Variants in CAPZB observed in about 807,000 individuals in gnomAD.
CAPZB encodes the protein F-actin-capping protein subunit beta.
In CAPZB, 2 loss-of-function variants were observed where a neutral mutation model predicts 38.1. The ratio of observed to expected loss-of-function variants is 0.05; its 90% CI spans 0.02 to 0.17. CAPZB has a LOEUF of 0.17. Among genes scored for constraint, CAPZB ranks in the 10% least tolerant of loss-of-function variants. The pLI is 1.00. For missense variants in CAPZB, 161 were observed against 334.2 expected, an observed-to-expected ratio of 0.48 and a Z score of 4.04; for synonymous variants, 107 against 127.4, an observed-to-expected ratio of 0.84 and a Z score of 1.08.
chr1:19,375,286 G>T (rs1425469075), intron 4 of CAPZB, among the ~76,000 whole-genome samples: 2 of 152,232 alleles, frequency 1.3e-5, no homozygotes, highest in Non-Finnish European at 2.9e-5. Flanking sequence ...GGTCCCAGGA[G>T]AGAGAGCTCT....
At chr1:19,422,584 A>G (rs2094405512) in intron 1 of CAPZB, among the ~76,000 whole-genome samples, 1 of 152,128 alleles carries the variant, frequency 6.6e-6, no homozygotes, top group African/African-American at 2.4e-5. Flanking sequence ...AAAATACAAA[A>G]AAATTAGCCG....
At chr1:19,378,041 C>T (rs12087597) in intron 4 of CAPZB, among the ~76,000 whole-genome samples, 1 of 152,104 alleles carries the variant, frequency 6.6e-6, no homozygotes, top group Non-Finnish European at 1.5e-5. Flanking sequence ...AAAATCCATA[C>T]GGGCCTTTGG....
At chr1:19,393,704 C>T (rs1173071488) in intron 2 of CAPZB, among the ~76,000 whole-genome samples, 1 of 152,224 alleles carries the variant, frequency 6.6e-6, no homozygotes, top group African/African-American at 2.4e-5. Context: ...AAGCTTTTTC[C>T]CCCAAGTGCC....
intron 4 of CAPZB, among the ~76,000 whole-genome samples, chr1:19,361,921 C>T (rs1204578342): frequency 6.6e-6 from 1 of 152,306 alleles, no homozygotes; most frequent in South Asian, 2.1e-4. Flanking sequence ...GCTCTACCAT[C>T]GCCAGCGACT....
At position 19,347,042 on chromosome 1, in the gene CAPZB, T is replaced by C. The variant is rs112296588; in HGVS notation, c.589-1790A>G. ...TTTTAGTAGAGACAGGGTTTTGCCA[T>C]GTTGGCCAGGCTGGTCTTGAACTTC... On this transcript the variant is annotated intron_variant, in intron 6 of 8. Coordinates refer to ENST00000264202, the MANE Select transcript of CAPZB (RefSeq NM_004930.5). Among the ~76,000 whole-genome samples, 36 of 151,848 alleles carry C rather than the reference T, an allele frequency of 2.4e-4. 1 individual carries two copies. Among genetic ancestry groups the C allele is most frequent in the African/African-American group, 8.0e-4 (33 of 41,342 alleles).
At chr1:19,454,187 T>C (rs945812362) in intron 1 of CAPZB, among the ~76,000 whole-genome samples, 16 of 152,140 alleles carry the variant, frequency 1.1e-4, no homozygotes, top group African/African-American at 3.6e-4. Flanking sequence ...TAGAAAACCC[T>C]ACAATAAAAG....
chr1:19,453,409 G>A (rs914023372), intron 1 of CAPZB, among the ~76,000 whole-genome samples: 4 of 151,698 alleles, frequency 2.6e-5, no homozygotes, highest in Admixed American at 6.6e-5. Context: ...TTACAGGGGC[G>A]CACCACCACG....
intron 1 of CAPZB, among the ~76,000 whole-genome samples, chr1:19,468,714 T>A (rs2094576607): frequency 6.7e-6 from 1 of 149,792 alleles, no homozygotes. Flanking sequence ...CACCCCTCAC[T>A]CTTCTGGCTC....
At position 19,356,975 on chromosome 1, in the gene CAPZB, C is replaced by A. The variant is rs1158819650; in HGVS notation, c.472-224G>T. Reference sequence around the variant, plus strand: ...CTCCCAGGTTCAAGCGATTCTCCTGCCTCAGCCTCCCAAGTAGCTGGGATT... The same window carrying A: ...CTCCCAGGTTCAAGCGATTCTCCTGACTCAGCCTCCCAAGTAGCTGGGATT... On this transcript the variant is annotated intron_variant, in intron 5 of 8. Coordinates refer to ENST00000264202, the MANE Select transcript of CAPZB (RefSeq NM_004930.5). This position sits in a 1 kb window ranked among gnomAD's most constrained non-coding sequence, Gnocchi z 4.3. Among the ~76,000 whole-genome samples, 1 of 152,130 alleles carries A rather than the reference C, an allele frequency of 6.6e-6. No individual in the cohort carries two copies. Among genetic ancestry groups the A allele is most frequent in the Non-Finnish European group, 1.5e-5 (1 of 68,034 alleles).
At chr1:19,426,543 C>A (rs2094423448) in intron 1 of CAPZB, among the ~76,000 whole-genome samples, 1 of 152,088 alleles carries the variant, frequency 6.6e-6, no homozygotes, top group Admixed American at 6.5e-5. Flanking sequence ...CTTGTGAGCC[C>A]ACAAGAGACA....
At chr1:19,448,830 T>C in intron 1 of CAPZB, 3 of 1,612,844 alleles carry the variant, frequency 1.9e-6, no homozygotes, top group Non-Finnish European at 2.5e-6. Flanking sequence ...AAAGTGCGTG[T>C]CACCTTTCTA....
chr1:19,434,467 A>G (rs1390476016), intron 1 of CAPZB, among the ~76,000 whole-genome samples: 3 of 151,798 alleles, frequency 2.0e-5, no homozygotes, highest in Non-Finnish European at 4.4e-5. Flanking sequence ...GCTCACATCT[A>G]TAATCCTAGC....
At chr1:19,388,159 ACT>A (rs751011094) in intron 2 of CAPZB, among the ~76,000 whole-genome samples, 1 of 152,022 alleles carries the variant, frequency 6.6e-6, no homozygotes, top group Non-Finnish European at 1.5e-5. Flanking sequence ...AAGAGGCTTG[ACT>A]CTACTCCTAT....
intron 1 of CAPZB, chr1:19,448,805 T>TCCC: frequency 6.2e-7 from 1 of 1,612,142 alleles, no homozygotes; most frequent in Non-Finnish European, 8.5e-7. Flanking sequence ...TTGCTCCTCC[T>TCCC]CCCCCCTCAG....
chr1:19,441,922 T>C (rs2094478038), intron 1 of CAPZB, among the ~76,000 whole-genome samples: 1 of 150,270 alleles, frequency 6.7e-6, no homozygotes, highest in Admixed American at 6.7e-5. Flanking sequence ...AGCAGGAGAA[T>C]TGCTTGAACC....
chr1:19,341,310 G>A (rs906359459), intron 8 of CAPZB, among the ~76,000 whole-genome samples: 23 of 152,174 alleles, frequency 1.5e-4, no homozygotes, highest in African/African-American at 3.9e-4. Flanking sequence ...AGCTCACAGC[G>A]GGAGGTCAAC....
chr1:19,393,532 G>C (rs1303859918), intron 2 of CAPZB, among the ~76,000 whole-genome samples: 2 of 152,218 alleles, frequency 1.3e-5, no homozygotes, highest in Non-Finnish European at 2.9e-5. Flanking sequence ...GCCAACACGA[G>C]GTGGAGAGGA....
At chr1:19,472,709 A>ATTTTTTTTTTTT (rs11334966) in intron 1 of CAPZB, among the ~76,000 whole-genome samples, 2 of 61,200 alleles carry the variant, frequency 3.3e-5, no homozygotes, top group African/African-American at 1.4e-4. Context: ...TTCATTCTTC[A>ATTTTTTTTTTTT]TTTTTTTTTT....
chr1:19,378,636 T>C lies in CAPZB; in HGVS notation c.233A>G (p.Lys78Arg). The C allele has an allele frequency of 6.2e-7, 1 of 1,604,662 alleles. No individual in the cohort carries two copies. Among genetic ancestry groups the C allele is most frequent in the South Asian group, 1.1e-5 (1 of 90,912 alleles). Residue 78 changes from lysine (K) to arginine (R), a missense_variant, in exon 4 of 9, where the codon AAG becomes AGG. Physicochemically the swap from Lys to Arg is conservative, Grantham distance 26. Coordinates refer to ENST00000264202, the MANE Select transcript of CAPZB (RefSeq NM_004930.5). ...GDSYRSPWSNKYDPPLEDGAM... is the reference protein window; with the variant it reads ...GDSYRSPWSNRYDPPLEDGAM... The stretch of plus-strand genomic sequence containing the variant: ...CCCATCCTCCAAGGGAGGGTCATAC[T>C]TGTTACTCCATGGTGACCTGGAGGG...
Sources: allele counts gnomAD v4.1 joint callset (sites outside exome capture counted in the v4.1 genomes callset), GRCh38; gene constraint gnomAD v4.1.1; non-coding constraint Gnocchi (gnomAD v3.1); transcripts MANE v1.5; gene names NCBI Gene and HGNC (gene_info 2026-07-23, HGNC 2026-07-21).